Variants in ADAMTSL1 observed in about 807,000 individuals in gnomAD.
ADAMTSL1 encodes the protein ADAMTS-like protein 1.
ADAMTSL1 carries 126 observed loss-of-function variants against 201.8 expected under a neutral mutation model. That is an observed-to-expected ratio of 0.62 (90% confidence interval 0.54 to 0.72). ADAMTSL1 has a LOEUF of 0.72. Among genes scored for constraint, ADAMTSL1 ranks in the 30% least tolerant of loss-of-function variants. The probability of loss-of-function intolerance (pLI) is 0.00; values close to 1 mark genes in which losing one functional copy is unlikely to be tolerated. For synonymous variants in ADAMTSL1, 1,121 were observed against 903.4 expected (o/e 1.24, Z -4.32); for missense variants, 2,679 against 2,277.8 (o/e 1.18, Z -3.59).
chr9:18,710,674 T>TTG (rs1359457645), intron 14 of ADAMTSL1, among the ~76,000 whole-genome samples: 1 of 147,416 alleles, frequency 6.8e-6, no homozygotes, highest in African/African-American at 2.5e-5. Flanking sequence ...TTGTTTTGTT[T>TTG]TTTTTTTTTT....
At chr9:18,807,480 TA>T (rs1310615064) in intron 20 of ADAMTSL1, among the ~76,000 whole-genome samples, 6 of 151,752 alleles carry the variant, frequency 4.0e-5, no homozygotes, top group East Asian at 3.9e-4. Context: ...CCGTCTCTAC[TA>T]AAAAATACAA....
intron 23 of ADAMTSL1, among the ~76,000 whole-genome samples, chr9:18,870,307 T>C (rs777701546): frequency 3.9e-5 from 6 of 152,214 alleles, no homozygotes; most frequent in Admixed American, 6.5e-5. Flanking sequence ...GTTTTGAACA[T>C]TATAGATGTA....
chr9:18,839,452 G>C (rs1346496901), intron 23 of ADAMTSL1, among the ~76,000 whole-genome samples: 2 of 152,080 alleles, frequency 1.3e-5, no homozygotes, highest in Non-Finnish European at 2.9e-5. Flanking sequence ...ATGTGGCTTG[G>C]TTCCATGTCT....
At chr9:18,850,523 G>T (rs1826426262) in intron 23 of ADAMTSL1, among the ~76,000 whole-genome samples, 2 of 152,202 alleles carry the variant, frequency 1.3e-5, no homozygotes, top group African/African-American at 4.8e-5. Context: ...GGGAGAGGCA[G>T]ACCCTACTGC....
chr9:18,861,025 C>G (rs1827182532), intron 23 of ADAMTSL1, among the ~76,000 whole-genome samples: 1 of 152,152 alleles, frequency 6.6e-6, no homozygotes, highest in Admixed American at 6.5e-5. Context: ...CCTCGTTTCA[C>G]AGAGATCATA....
chr9:18,471,014 C>T (rs180708911), upstream of ADAMTSL1, among the ~76,000 whole-genome samples: 175 of 152,278 alleles, frequency 1.1e-3, no homozygotes, highest in African/African-American at 4.0e-3. Context: ...GCTCAGATGC[C>T]GTAAGTGGCC....
At chr9:18,320,310 A>G (rs947935744) in intron 2 of ADAMTSL1, among the ~76,000 whole-genome samples, 8 of 152,208 alleles carry the variant, frequency 5.3e-5, no homozygotes, top group African/African-American at 1.9e-4. Context: ...AGTTTGTGGT[A>G]ATTTGTTATG....
rs574607445 is a variant in ADAMTSL1, at chr9:18,777,784, G to A, written c.3555G>A (p.Leu1185=). ...CAGCCTCGGAGGTGGTCACCCACCT[G>A]GGGCAGACGGTGGCCCTGGCCAGCG... ...QLSASEVVTH[L]GQTVALASGT... is the part of the protein sequence containing the mutation. The change falls in exon 19 of 29, where the codon CTG becomes CTA. Residue 1185 remains leucine (L), a synonymous_variant. Transcript: ENST00000380548. 4 of 1,613,764 alleles carry A rather than the reference G, an allele frequency of 2.5e-6. No homozygotes were observed. The Admixed American group carries it at 5.0e-5, about 20-fold the overall frequency.
chr9:18,339,853 C>T (rs1224105597), intron 2 of ADAMTSL1, among the ~76,000 whole-genome samples: 1 of 152,112 alleles, frequency 6.6e-6, no homozygotes, highest in East Asian at 1.9e-4. Flanking sequence ...ATTCTCCATC[C>T]ATCCACCTCT....
intron 2 of ADAMTSL1, among the ~76,000 whole-genome samples, chr9:18,175,804 G>A (rs1188956261): frequency 6.6e-6 from 1 of 152,002 alleles, no homozygotes; most frequent in Non-Finnish European, 1.5e-5. Flanking sequence ...CCAGCCCATG[G>A]CATGCCTCCT....
At chr9:18,209,080 A>G (rs1355986680) in intron 2 of ADAMTSL1, among the ~76,000 whole-genome samples, 1 of 152,132 alleles carries the variant, frequency 6.6e-6, no homozygotes, top group African/African-American at 2.4e-5. Flanking sequence ...GTATGCCAAG[A>G]TATGTGTCTG....
At chr9:18,631,458 A>G (rs1265782734) in intron 5 of ADAMTSL1, among the ~76,000 whole-genome samples, 3 of 152,220 alleles carry the variant, frequency 2.0e-5, no homozygotes, top group Non-Finnish European at 4.4e-5. Flanking sequence ...ATTTTTATAC[A>G]TAGTCAATTG....
At chr9:18,803,330 T>C (rs753586922) in intron 20 of ADAMTSL1, among the ~76,000 whole-genome samples, 1 of 152,232 alleles carries the variant, frequency 6.6e-6, no homozygotes, top group Non-Finnish European at 1.5e-5. Context: ...ATTCCTTGGC[T>C]CATGGTTTCC....
intron 2 of ADAMTSL1, among the ~76,000 whole-genome samples, chr9:18,352,639 C>G (rs1836023373): frequency 6.6e-6 from 1 of 152,152 alleles, no homozygotes. Flanking sequence ...ACGTATTACT[C>G]TATTTTCCAC....
intron 1 of ADAMTSL1, among the ~76,000 whole-genome samples, chr9:18,101,679 G>A (rs563923325): frequency 1.2e-4 from 19 of 152,318 alleles, no homozygotes; most frequent in Admixed American, 1.1e-3. Context: ...GCAGAAGATG[G>A]AGGTCTAGGA....
At chr9:18,385,757 T>C (rs1037313051) in intron 2 of ADAMTSL1, among the ~76,000 whole-genome samples, 1 of 152,224 alleles carries the variant, frequency 6.6e-6, no homozygotes, top group African/African-American at 2.4e-5. Context: ...CATGATGAAT[T>C]GTGGTTTTCC....
intron 2 of ADAMTSL1, among the ~76,000 whole-genome samples, chr9:18,200,685 A>G (rs1829405953): frequency 6.6e-6 from 1 of 152,104 alleles, no homozygotes; most frequent in Non-Finnish European, 1.5e-5. Flanking sequence ...AATGTAAATT[A>G]ATAGAGTACT....
At chr9:17,977,293 G>T (rs1818493586) in intron 1 of ADAMTSL1, among the ~76,000 whole-genome samples, 1 of 151,918 alleles carries the variant, frequency 6.6e-6, no homozygotes. Flanking sequence ...TTCTTTTCTT[G>T]TAATGTCCTT....
intron 1 of ADAMTSL1, among the ~76,000 whole-genome samples, chr9:18,040,288 C>G (rs1277133857): frequency 6.6e-6 from 1 of 152,266 alleles, no homozygotes; most frequent in East Asian, 1.9e-4. Context: ...ATGTCTCCTT[C>G]AATGACAGCA....
Sources: gnomAD v4.1 joint callset for allele counts (sites outside exome capture counted in the v4.1 genomes callset) on GRCh38, gnomAD v4.1.1 for gene constraint, MANE v1.5 for transcripts, NCBI Gene and HGNC (gene_info 2026-07-23, HGNC 2026-07-21) for gene names.